The following LINGO2 variants were observed in gnomAD, a reference collection of about 807,000 sequenced individuals.
LINGO2 encodes the protein leucine rich repeat and Ig domain containing 2.
Under a neutral mutation model 30.6 loss-of-function variants are expected in LINGO2, and 14 were observed. The ratio of observed to expected loss-of-function variants is 0.46; its 90% CI spans 0.30 to 0.72. LINGO2 has a LOEUF of 0.72. LINGO2 is among the 30% of genes least tolerant of loss of function. The pLI is 0.07. For synonymous variants in LINGO2, 317 were observed against 288.5 expected (o/e 1.10, Z -1.00); for missense variants, 729 against 751.7 (o/e 0.97, Z 0.35).
At chr9:28,299,440 T>C (rs7855717) in intron 3 of LINGO2, among the ~76,000 whole-genome samples, 34,557 of 144,674 alleles carry the variant, frequency 0.24, 4,429 homozygotes, top group Non-Finnish European at 0.32. Context: ...ACAAAATTAT[T>C]GCTTCTAATT....
chr9:29,144,605 G>A, the LINGO2 span, among the ~76,000 whole-genome samples: 1 of 152,110 alleles, frequency 6.6e-6, no homozygotes, highest in African/African-American at 2.4e-5. Flanking sequence ...CAGAGGCAGG[G>A]TGGTCCACTC....
At chr9:28,703,451 A>T in the LINGO2 span, among the ~76,000 whole-genome samples, 1 of 151,338 alleles carries the variant, frequency 6.6e-6, no homozygotes. Context: ...TTCTAACTTA[A>T]TTTCACTCTG....
chr9:29,143,715 A>T, the LINGO2 span, among the ~76,000 whole-genome samples: 6 of 152,266 alleles, frequency 3.9e-5, no homozygotes, highest in Non-Finnish European at 8.8e-5. Context: ...CCCATTCTGT[A>T]GGATGTCTGT....
the LINGO2 span, among the ~76,000 whole-genome samples, chr9:29,009,280 G>A: frequency 0.024 from 3,714 of 152,146 alleles, 59 homozygotes; most frequent in Middle Eastern, 0.048. Context: ...TATATTTAGA[G>A]AACCCCATTG....
chr9:28,943,141 C>G, the LINGO2 span, among the ~76,000 whole-genome samples: 1 of 152,046 alleles, frequency 6.6e-6, no homozygotes. Context: ...AAGGTAAAGA[C>G]GCAATCTCAG....
chr9:28,723,794 T>A, the LINGO2 span, among the ~76,000 whole-genome samples: 1 of 152,060 alleles, frequency 6.6e-6, no homozygotes, highest in Admixed American at 6.6e-5. Context: ...TGGAAATAGG[T>A]ATGTTGCAAT....
chr9:28,687,570 C>G, the LINGO2 span, among the ~76,000 whole-genome samples: 2 of 152,148 alleles, frequency 1.3e-5, no homozygotes, highest in African/African-American at 4.8e-5. Context: ...GTCCTCACTA[C>G]TCATTTGAGT....
the LINGO2 span, among the ~76,000 whole-genome samples, chr9:28,757,869 T>G: frequency 6.6e-6 from 1 of 152,054 alleles, no homozygotes; most frequent in Non-Finnish European, 1.5e-5. Flanking sequence ...CCTATATAAA[T>G]TTGGCATTCA....
the LINGO2 span, among the ~76,000 whole-genome samples, chr9:29,172,206 A>G: frequency 6.6e-6 from 1 of 151,864 alleles, no homozygotes; most frequent in East Asian, 1.9e-4. Flanking sequence ...ATAGTTATTC[A>G]TTTTTATTAT....
rs536927637 is a variant in LINGO2 at position 28,283,888 on chromosome 9, A to G, written c.-87+11320T>C. The stretch of plus-strand genomic sequence containing the variant: ...GTTACTTTTCCTTACCTATTTCTGA[A>G]GAAGAGACTTTATGAAGATTGTCTG... On this transcript the variant is annotated intron_variant, in intron 4 of 5. Coordinates refer to ENST00000379992, the Ensembl canonical transcript of LINGO2. 1.2e-4 allele frequency among the ~76,000 whole-genome samples: 18 copies of G among 152,262 alleles called. 1 individual carries two copies. The highest frequency in any genetic ancestry group is 2.6e-4 in the African/African-American group (11 of 41,546).
chr9:28,125,052 A>G (rs555196824), intron 4 of LINGO2, among the ~76,000 whole-genome samples: 19 of 152,250 alleles, frequency 1.2e-4, no homozygotes, highest in Non-Finnish European at 2.2e-4. Context: ...TGATGTCAAA[A>G]GGAATTGTGC....
At chr9:28,519,236 A>T (rs987494698) in intron 1 of LINGO2, among the ~76,000 whole-genome samples, 24 of 151,706 alleles carry the variant, frequency 1.6e-4, no homozygotes, top group African/African-American at 5.8e-4. Flanking sequence ...GGGTTTCATC[A>T]TGTTGCCCAG....
rs779391945 is a variant in LINGO2, at chr9:28,147,906, C to T, written c.-86-135501G>A. Among the ~76,000 whole-genome samples, 11 of 152,152 alleles carry T rather than the reference C, an allele frequency of 7.2e-5. No homozygotes were observed. The highest frequency in any genetic ancestry group is 2.7e-4 in the African/African-American group (11 of 41,404). ...AACTCCCAGATGCCCAGTGTGCACC[C>T]GGCCACAGAGAAGTGGGTGACTTAG... On this transcript the variant is annotated intron_variant, in intron 4 of 5. Coordinates refer to ENST00000379992, the Ensembl canonical transcript of LINGO2. This position sits in a 1 kb window ranked among gnomAD's most constrained non-coding sequence, Gnocchi z 4.7.
chr9:28,033,642 TA>T (rs1252407772), intron 4 of LINGO2, among the ~76,000 whole-genome samples: 1 of 152,088 alleles, frequency 6.6e-6, no homozygotes, highest in Non-Finnish European at 1.5e-5. Context: ...ATTACTTTTA[TA>T]ATGGCAAAAA....
chr9:28,299,805 A>G (rs2134202659), intron 3 of LINGO2, among the ~76,000 whole-genome samples: 1 of 152,162 alleles, frequency 6.6e-6, no homozygotes, highest in East Asian at 1.9e-4. Context: ...TAGATGAAAA[A>G]CTTAGTCCCA....
chr9:28,315,592 T>C (rs1350331541), intron 3 of LINGO2, among the ~76,000 whole-genome samples: 1 of 152,122 alleles, frequency 6.6e-6, no homozygotes, highest in East Asian at 1.9e-4. Context: ...TCATATTATC[T>C]AGGTTTTAAT....
At chr9:28,755,857 T>C in the LINGO2 span, among the ~76,000 whole-genome samples, 1 of 152,080 alleles carries the variant, frequency 6.6e-6, no homozygotes, top group African/African-American at 2.4e-5. Flanking sequence ...TTTGCACTGG[T>C]GGAGATAATA....
intron 3 of LINGO2, among the ~76,000 whole-genome samples, chr9:28,371,610 A>G (rs955337632): frequency 6.6e-6 from 1 of 152,134 alleles, no homozygotes; most frequent in Non-Finnish European, 1.5e-5. Context: ...GAGGATAAAA[A>G]CATTCAGGCC....
At chr9:28,598,425 AAAAAAAAAAC>A (rs1563853316) in intron 1 of LINGO2, among the ~76,000 whole-genome samples, 1 of 141,182 alleles carries the variant, frequency 7.1e-6, no homozygotes, top group East Asian at 1.9e-4. Flanking sequence ...TATCAAAAAA[AAAAAAAAAAC>A]AAAACAAACA....
Sources: gnomAD v4.1 joint callset for allele counts (sites outside exome capture counted in the v4.1 genomes callset) on GRCh38, gnomAD v4.1.1 for gene constraint, Gnocchi (gnomAD v3.1) non-coding constraint, MANE v1.5 for transcripts, NCBI Gene and HGNC (gene_info 2026-07-23, HGNC 2026-07-21) for gene names.